The following ZNF14 variants were observed in gnomAD, a reference collection of about 807,000 sequenced individuals.
The protein encoded by ZNF14 is gonadotropin inducible transcription repressor-4.
A neutral mutation model predicts 11.3 loss-of-function variants in ZNF14; 9 were observed. The observed-to-expected ratio is 0.80, with a 90% CI of 0.48 to 1.39. The LOEUF (loss-of-function observed/expected upper bound fraction) is 1.39, where lower values mean the gene tolerates loss of function less well. ZNF14 is among the 40% of genes most tolerant of loss of function. The pLI is 0.00. For synonymous variants in ZNF14, 239 were observed against 245.7 expected (o/e 0.97, Z 0.25); for missense variants, 711 against 763.9 (o/e 0.93, Z 0.82).
intron 3 of ZNF14, among the ~76,000 whole-genome samples, chr19:19,713,382 G>T (rs971267090): frequency 2.0e-5 from 3 of 151,940 alleles, no homozygotes; most frequent in Non-Finnish European, 4.4e-5. Flanking sequence ...GAATTCCTGG[G>T]CTCAACCAAT....
intron 1 of ZNF14, among the ~76,000 whole-genome samples, chr19:19,730,315 C>T (rs925456207): frequency 5.9e-5 from 9 of 152,148 alleles, no homozygotes; most frequent in African/African-American, 2.2e-4. Flanking sequence ...GCGTGACCCA[C>T]CGTGCCCAGC....
chr19:19,712,302 T>C lies in ZNF14; in HGVS notation c.979A>G (p.Ile327Val), dbSNP rs1417213004. The change falls in exon 4 of 4, where the codon ATA (isoleucine) becomes GTA (valine). Residue 327 changes from isoleucine (I) to valine (V), a missense_variant. By Grantham distance (29) the Ile-to-Val change is conservative (BLOSUM62 3). Coordinates refer to ENST00000344099, the MANE Select transcript of ZNF14 (RefSeq NM_021030.3). ...FYSASFRAHV[I>V]IHTGARPYKC... ...TAAGGTCGAGCCCCAGTGTGTATTA[T>C]TACATGTGCTCGAAAGCTTGCAGAA... is the stretch of plus-strand genomic sequence containing the variant. 1.2e-6 allele frequency: 2 copies of C among 1,614,060 alleles called. No individual in the cohort carries two copies. The highest frequency in any genetic ancestry group is 1.7e-5 in the Admixed American group (1 of 60,000).
At chr19:19,716,405 C>G (rs2062378069) in intron 1 of ZNF14, among the ~76,000 whole-genome samples, 1 of 152,174 alleles carries the variant, frequency 6.6e-6, no homozygotes, top group Non-Finnish European at 1.5e-5. Flanking sequence ...TCTTGTGCCT[C>G]AGCCTCCTGA....
chr19:19,723,112 A>G (rs2062397497), intron 1 of ZNF14, among the ~76,000 whole-genome samples: 1 of 152,122 alleles, frequency 6.6e-6, no homozygotes, highest in Non-Finnish European at 1.5e-5. Context: ...TTCCAACACT[A>G]TATTGAATAG....
At chr19:19,721,080 C>T (rs1424865005) in intron 1 of ZNF14, among the ~76,000 whole-genome samples, 3 of 152,184 alleles carry the variant, frequency 2.0e-5, no homozygotes, top group African/African-American at 7.2e-5. Flanking sequence ...GCCTCAGTCT[C>T]TCAAGTAGCT....
chr19:19,712,156 G>C lies in ZNF14; in HGVS notation c.1125C>G (p.Ser375=). 6.2e-7 allele frequency: 1 copy of C among 1,613,978 alleles called. No individual in the cohort carries two copies. The highest frequency in any genetic ancestry group is 1.1e-5 in the South Asian group (1 of 91,070). Residue 375 remains serine (S), a synonymous_variant, in exon 4 of 4, where the codon TCC becomes TCG. Transcript: ENST00000344099. ...CKRCGKSFSW[S]ISLRLHERTH... ...TTCTTTCATGCAATCGAAGAGAAATGGACCAACTGAATGATTTGCCACATC... is the reference window on the plus strand; with the variant it reads ...TTCTTTCATGCAATCGAAGAGAAATCGACCAACTGAATGATTTGCCACATC...
Position 19,712,085 on chromosome 19 carries a change from G to A in ZNF14, c.1196C>T (p.Thr399Ile). 1 of 1,613,648 alleles carries A rather than the reference G, an allele frequency of 6.2e-7. No individual in the cohort carries two copies. Among genetic ancestry groups the A allele is most frequent in the Non-Finnish European group, 8.5e-7 (1 of 1,179,902 alleles). Residue 399 changes from threonine to isoleucine, a missense_variant, in exon 4 of 4, where the codon ACC (threonine) becomes ATC (isoleucine). By Grantham distance (89) the Thr-to-Ile change is moderately conservative (BLOSUM62 -1). Coordinates refer to ENST00000344099, the MANE Select transcript of ZNF14 (RefSeq NM_021030.3). The stretch of plus-strand genomic sequence containing the variant: ...TCGAAGGGAACTTGAAAAACTGAAG[G>A]TTTTATGACACTGTTTACACTCATA... ...KPYECKQCHK[T>I]FSFSSSLREH...
chr19:19,715,253 G>C (rs1179033454), intron 1 of ZNF14, among the ~76,000 whole-genome samples: 4 of 152,164 alleles, frequency 2.6e-5, no homozygotes, highest in Non-Finnish European at 5.9e-5. Flanking sequence ...AGAACTGTAG[G>C]CTTTTCTTTT....
chr19:19,717,308 A>T (rs187330348), intron 1 of ZNF14, among the ~76,000 whole-genome samples: 1 of 152,338 alleles, frequency 6.6e-6, no homozygotes, highest in East Asian at 1.9e-4. Context: ...GGAACAGCCA[A>T]GTGGAAGAGG....
rs771298652 is a variant in ZNF14 at position 19,712,762 on chromosome 19, C to A, written c.519G>T (p.Gln173His). Residue 173 changes from glutamine to histidine, a missense_variant, in exon 4 of 4, where the codon CAG becomes CAT. By Grantham distance (24) the Gln-to-His change is conservative. Transcript: ENST00000344099. ...GGTAATATATAAAGGCTTTCCCACA[C>A]TGTTTACATTCATAGGGCTTCACTC... Reference protein sequence around the residue: ...HTGVKPYECKQCGKAFIYYQP... With the variant: ...HTGVKPYECKHCGKAFIYYQP... The A allele has an allele frequency of 9.3e-6, 15 of 1,613,240 alleles. No homozygotes were observed. The South Asian group carries it at 1.4e-4, about 15-fold the overall frequency.
At position 19,712,317 on chromosome 19, in the gene ZNF14, A is replaced by G. The variant is rs757558296; in HGVS notation, c.964T>C (p.Phe322Leu). Reference sequence around the variant, plus strand: ...GTGTGTATTATTACATGTGCTCGAAAGCTTGCAGAATAAAAGAAGGCTTTT... The same window carrying G: ...GTGTGTATTATTACATGTGCTCGAAGGCTTGCAGAATAAAAGAAGGCTTTT... ...CGKAFFYSAS[F>L]RAHVIIHTGA... The change falls in exon 4 of 4, where the codon TTT (phenylalanine) becomes CTT (leucine). Residue 322 changes from phenylalanine (F) to leucine (L), a missense_variant. Transcript: ENST00000344099. 1 of 1,613,924 alleles carries G rather than the reference A, an allele frequency of 6.2e-7. No individual in the cohort carries two copies. The highest frequency in any genetic ancestry group is 1.1e-5 in the South Asian group (1 of 91,042).
At chr19:19,727,046 T>A (rs2062408373) in intron 1 of ZNF14, among the ~76,000 whole-genome samples, 1 of 133,688 alleles carries the variant, frequency 7.5e-6, no homozygotes, top group Admixed American at 7.3e-5. Flanking sequence ...AGTGAGGCAA[T>A]GCCCCGCCCT....
chr19:19,712,457 CCA>C lies in ZNF14; in HGVS notation c.822_823del (p.Gly275ArgfsTer7). The C allele has an allele frequency of 6.4e-7, 1 of 1,559,214 alleles. No homozygotes were observed. On this transcript the variant is annotated frameshift_variant, in exon 4 of 4. Coordinates refer to ENST00000344099, the MANE Select transcript of ZNF14 (RefSeq NM_021030.3). LOFTEE classifies it low-confidence loss of function (END_TRUNC). Reference sequence around the variant, plus strand: ...TTCTTTACATTTGTAGGGTTTTTCTCCAGTGTGAGTTCTTTCATGAGTTCGAA... The same window carrying C: ...TTCTTTACATTTGTAGGGTTTTTCTCGTGTGAGTTCTTTCATGAGTTCGAA...
rs2062406711 is a variant in ZNF14 at position 19,726,530 on chromosome 19, G to T, written c.3+6426C>A. Among the ~76,000 whole-genome samples, 2 of 134,270 alleles carry T rather than the reference G, an allele frequency of 1.5e-5. 1 individual carries two copies. The highest frequency in any genetic ancestry group is 3.3e-5 in the Non-Finnish European group (2 of 60,278). The allele number at this position is 134,270 out of a possible 152,430, so 88.1% of individuals were successfully genotyped here. On this transcript the variant is annotated intron_variant, in intron 1 of 3. Transcript: ENST00000344099. Reference sequence around the variant, plus strand: ...TGTCTCCCAGTTAGGCTACTCAGGGGTCAGGGACCCATTTGAGGAGGCAGT... The same window carrying T: ...TGTCTCCCAGTTAGGCTACTCAGGGTTCAGGGACCCATTTGAGGAGGCAGT...
intron 1 of ZNF14, among the ~76,000 whole-genome samples, chr19:19,714,716 T>TTCTTTTC (rs2062373126): frequency 7.4e-6 from 1 of 135,846 alleles, no homozygotes; most frequent in African/African-American, 2.5e-5. Context: ...TCTTTTTCTT[T>TTCTTTTC]TTTTTTTTTT....
At chr19:19,732,049 G>A (rs957390937) in intron 1 of ZNF14, among the ~76,000 whole-genome samples, 1 of 152,188 alleles carries the variant, frequency 6.6e-6, no homozygotes, top group Non-Finnish European at 1.5e-5. Flanking sequence ...CCGGGCGACA[G>A]AGCGAGACTC....
intron 1 of ZNF14, among the ~76,000 whole-genome samples, chr19:19,721,147 G>A (rs139672889): frequency 5.9e-5 from 9 of 152,102 alleles, no homozygotes; most frequent in Admixed American, 1.3e-4. Flanking sequence ...TAGTAGAGAC[G>A]GGGTTTCACC....
intron 1 of ZNF14, among the ~76,000 whole-genome samples, chr19:19,723,544 T>C (rs2145101848): frequency 6.7e-6 from 1 of 148,680 alleles, no homozygotes. Context: ...TAAAATTCTC[T>C]TTTTTTTGTT....
At chr19:19,727,982 G>A (rs2062411042) in intron 1 of ZNF14, among the ~76,000 whole-genome samples, 1 of 132,716 alleles carries the variant, frequency 7.5e-6, no homozygotes, top group South Asian at 2.5e-4. Context: ...CTGGCATGGT[G>A]GCTCATGCCT....
Sources: gnomAD v4.1 joint callset for allele counts (sites outside exome capture counted in the v4.1 genomes callset) on GRCh38, gnomAD v4.1.1 for gene constraint, MANE v1.5 for transcripts, NCBI Gene and HGNC (gene_info 2026-07-23, HGNC 2026-07-21) for gene names.